Variants in RBBP5 observed in about 807,000 individuals in gnomAD.
The protein encoded by RBBP5 is retinoblastoma-binding protein 5.
Under a neutral mutation model 72.2 loss-of-function variants are expected in RBBP5, and 5 were observed. The ratio of observed to expected loss-of-function variants is 0.07; its 90% CI spans 0.04 to 0.15. The LOEUF (loss-of-function observed/expected upper bound fraction) is 0.15. RBBP5 is among the 10% of genes least tolerant of loss of function. The probability of loss-of-function intolerance (pLI) is 1.00; values close to 1 mark genes in which losing one functional copy is unlikely to be tolerated. For missense variants in RBBP5, 322 were observed against 652.2 expected, an observed-to-expected ratio of 0.49 and a Z score of 5.51; for synonymous variants, 209 against 237.2, an observed-to-expected ratio of 0.88 and a Z score of 1.09.
At chr1:205,116,460 T>TCCA (rs1301738828) in intron 1 of RBBP5, 1 of 182,032 alleles carries the variant, frequency 5.5e-6, no homozygotes, top group Non-Finnish European at 1.2e-5. Context: ...CATATCCAAG[T>TCCA]TAGCAACAGT....
intron 3 of RBBP5, among the ~76,000 whole-genome samples, chr1:205,106,094 G>A (rs1284485189): frequency 6.6e-6 from 1 of 152,166 alleles, no homozygotes; most frequent in Non-Finnish European, 1.5e-5. Context: ...GACACATAGA[G>A]AGAAGGAACA....
At position 205,096,809 on chromosome 1, in the gene RBBP5, G is replaced by A; in HGVS notation, c.1269C>T (p.Val423=). Reference sequence around the variant, plus strand: ...CCCCTTCATCCATCAAGGAGGTTTGGACTGCATCCGGTGGGGGGCCGTAAG... The same window carrying A: ...CCCCTTCATCCATCAAGGAGGTTTGAACTGCATCCGGTGGGGGGCCGTAAG... ...ENPYGPPPDA[V]QTSLMDEGAS... The change falls in exon 12 of 14, where the codon GTC becomes GTT. Residue 423 remains valine (V), a synonymous_variant. Coordinates refer to ENST00000264515, the MANE Select transcript of RBBP5 (RefSeq NM_005057.4). The A allele has an allele frequency of 6.2e-7, 1 of 1,614,190 alleles. No homozygotes were observed. The highest frequency in any genetic ancestry group is 8.5e-7 in the Non-Finnish European group (1 of 1,180,028).
At chr1:205,098,863 AAGT>A in intron 10 of RBBP5, 123 bp downstream of exon 10, 2 of 552,890 alleles carry the variant, frequency 3.6e-6, no homozygotes, top group Non-Finnish European at 6.0e-6. Flanking sequence ...AAAAAAAAAA[AAGT>A]GTGGGGTGGA....
At chr1:205,112,106 T>A (rs1301169266) in intron 3 of RBBP5, among the ~76,000 whole-genome samples, 1 of 152,038 alleles carries the variant, frequency 6.6e-6, no homozygotes, top group Non-Finnish European at 1.5e-5. Flanking sequence ...TTACCTGAGG[T>A]CAGTAGTTCA....
chr1:205,105,775 C>T (rs1656037799), intron 3 of RBBP5, among the ~76,000 whole-genome samples: 1 of 152,222 alleles, frequency 6.6e-6, no homozygotes, highest in Admixed American at 6.5e-5. Context: ...GAGAAGCCAA[C>T]AACCTGGTAA....
chr1:205,108,970 C>G (rs1011454438), intron 3 of RBBP5, among the ~76,000 whole-genome samples: 5 of 152,026 alleles, frequency 3.3e-5, no homozygotes, highest in Non-Finnish European at 5.9e-5. Flanking sequence ...AATAAGTGCT[C>G]AAAAAATTAT....
At chr1:205,116,020 T>A in intron 1 of RBBP5, 137 bp from the exon 2 acceptor site, 1 of 1,568,488 alleles carries the variant, frequency 6.4e-7, no homozygotes, top group Non-Finnish European at 8.7e-7. Context: ...CATGAGGCCA[T>A]ACGGATTTTC....
At chr1:205,092,733 G>T (rs1655399004) in intron 13 of RBBP5, among the ~76,000 whole-genome samples, 2 of 150,816 alleles carry the variant, frequency 1.3e-5, no homozygotes, top group South Asian at 4.2e-4. Flanking sequence ...CCCAGCTCAA[G>T]GTTTTTTCTT....
intron 3 of RBBP5, among the ~76,000 whole-genome samples, chr1:205,108,072 G>T (rs1176013987): frequency 6.6e-6 from 1 of 151,804 alleles, no homozygotes; most frequent in African/African-American, 2.4e-5. Flanking sequence ...GTGAAACCCG[G>T]TCTCTACTAA....
chr1:205,093,473 AAAAAAAATATATATATATATATATATAT>A (rs1164367717), intron 13 of RBBP5, among the ~76,000 whole-genome samples: 2 of 10,494 alleles, frequency 1.9e-4, no homozygotes, highest in African/African-American at 5.0e-4. Flanking sequence ...AAAAAAAAAA[AAAAAAAATATATATATATATATATATAT>A]ATATATATAT....
At chr1:205,108,952 TG>T (rs1656192809) in intron 3 of RBBP5, among the ~76,000 whole-genome samples, 1 of 152,186 alleles carries the variant, frequency 6.6e-6, no homozygotes, top group African/African-American at 2.4e-5. Context: ...GCTCAATGCC[TG>T]GTACATAATA....
intron 11 of RBBP5, 67 bp downstream of exon 11, chr1:205,097,259 G>GCAGAGTACTCCCC: frequency 7.0e-7 from 1 of 1,424,596 alleles, no homozygotes; most frequent in Non-Finnish European, 9.7e-7. Context: ...CAGGGAAACT[G>GCAGAGTACTCCCC]CAGAGTACTC....
intron 10 of RBBP5, among the ~76,000 whole-genome samples, chr1:205,098,141 TA>T (rs1220998231): frequency 6.6e-6 from 1 of 152,170 alleles, no homozygotes; most frequent in African/African-American, 2.4e-5. Context: ...GGCCTAGGCA[TA>T]TATTAAATGC....
chr1:205,103,824 C>A (rs371798550), intron 5 of RBBP5, 33 bp downstream of exon 5: 97 of 1,600,496 alleles, frequency 6.1e-5, no homozygotes, highest in Non-Finnish European at 8.0e-5. Flanking sequence ...AGCCAGTGTA[C>A]AAGATGCCTG....
chr1:205,094,828 C>A, intron 13 of RBBP5, 45 bp downstream of exon 13: 1 of 1,558,968 alleles, frequency 6.4e-7, no homozygotes, highest in Non-Finnish European at 8.7e-7. Flanking sequence ...CTACACAAAG[C>A]AAGGCCACGA....
Position 205,094,963 on chromosome 1 carries a change from T to C in RBBP5, c.1498A>G (p.Lys500Glu). 1 of 1,614,186 alleles carries C rather than the reference T, an allele frequency of 6.2e-7. No homozygotes were observed. The highest frequency in any genetic ancestry group is 8.5e-7 in the Non-Finnish European group (1 of 1,180,032). Residue 500 changes from lysine to glutamate, a missense_variant, in exon 13 of 14, where the codon AAA becomes GAA. Physicochemically the swap from Lys to Glu is moderately conservative, Grantham distance 56. Transcript: ENST00000264515. Reference sequence around the variant, plus strand: ...CTGTCCCCTTTGTAGAGTTTCGGTTTAAATGGAGAATCTTTCTCTTTACCT... The same window carrying C: ...CTGTCCCCTTTGTAGAGTTTCGGTTCAAATGGAGAATCTTTCTCTTTACCT... Reference protein sequence around the residue: ...SKGKEKDSPFKPKLYKGDRGL... With the variant: ...SKGKEKDSPFEPKLYKGDRGL...
chr1:205,101,072 A>G (rs1485960538), intron 6 of RBBP5, among the ~76,000 whole-genome samples: 2 of 152,200 alleles, frequency 1.3e-5, no homozygotes, highest in Admixed American at 6.5e-5. Flanking sequence ...TAACAGGCCA[A>G]TACTGGTCTG....
rs10562809 is a variant in RBBP5 at position 205,101,894 on chromosome 1, C to CT, written c.523-186dup. Among the ~76,000 whole-genome samples the CT allele has an allele frequency of 9.9e-3, 1,187 of 119,720 alleles. 17 individuals carry two copies. Among genetic ancestry groups the CT allele is most frequent in the African/African-American group, 0.029 (952 of 33,300 alleles). 78.5% of individuals were successfully genotyped at this position (119,720 alleles called of 152,430 possible). A position where few individuals can be genotyped will look rare whatever the true frequency, so the allele number is the denominator to read the frequency against. On this transcript the variant is annotated intron_variant, in intron 5 of 13. Transcript: ENST00000264515. ...AAGTAAGACAAGGTCTTAATCTAGT[C>CT]TTTTTTTTTTTTTTTTTTTGAAACG...
In RBBP5 at chr1:205,114,789, C is replaced by T; in HGVS notation, c.218G>A (p.Cys73Tyr). 6.6e-7 allele frequency: 1 copy of T among 1,515,124 alleles called. No homozygotes were observed. Among genetic ancestry groups the T allele is most frequent in the Non-Finnish European group, 8.9e-7 (1 of 1,129,868 alleles). 93.9% of individuals were successfully genotyped at this position (1,515,124 alleles called of 1,614,324 possible). The change falls in exon 3 of 14, where the codon TGC becomes TAC. Residue 73 changes from cysteine to tyrosine, a missense_variant and splice_region_variant. Cys to Tyr is a radical substitution (Grantham distance 194). Around this residue, in one of 6 missense-constraint regions of RBBP5, gnomAD observed 161 missense variants for 327.8 expected, o/e 0.49. Coordinates refer to ENST00000264515, the MANE Select transcript of RBBP5 (RefSeq NM_005057.4). ...SAHIHPVCSL[C>Y]WSRDGHKLVS... The stretch of plus-strand genomic sequence containing the variant: ...AAATATTAATTAAAAAATGTCTTAC[C>T]ATAAAGAACACACTGGATGGATGTG...
Sources: gnomAD v4.1 joint callset for allele counts (sites outside exome capture counted in the v4.1 genomes callset) on GRCh38, gnomAD v4.1.1 for gene constraint, gnomAD v4.1.1 regional missense constraint, MANE v1.5 for transcripts, NCBI Gene and HGNC (gene_info 2026-07-23, HGNC 2026-07-21) for gene names.